Variants in NLK observed in about 807,000 individuals in gnomAD.
The protein encoded by NLK is nemo like kinase.
NLK carries 11 observed loss-of-function variants against 59.0 expected under a neutral mutation model. The ratio of observed to expected loss-of-function variants is 0.19; its 90% CI spans 0.12 to 0.31. The LOEUF is 0.31. NLK is among the 10% of genes least tolerant of loss of function. The pLI is 1.00. For synonymous variants in NLK, 235 were observed against 235.9 expected, an observed-to-expected ratio of 1.00 and a Z score of 0.03; for missense variants, 410 against 661.1, an observed-to-expected ratio of 0.62 and a Z score of 4.16.
intron 1 of NLK, among the ~76,000 whole-genome samples, chr17:28,056,284 A>G (rs1394714674): frequency 6.6e-6 from 1 of 152,198 alleles, no homozygotes; most frequent in African/African-American, 2.4e-5. Context: ...CAAAGAAACT[A>G]GAGAGTTGGA....
chr17:28,116,766 T>C (rs1235462632), intron 1 of NLK, among the ~76,000 whole-genome samples: 3 of 152,236 alleles, frequency 2.0e-5, no homozygotes, highest in Non-Finnish European at 4.4e-5. Flanking sequence ...TAAATTTTTT[T>C]CTAGTCCTCA....
intron 1 of NLK, among the ~76,000 whole-genome samples, chr17:28,057,189 A>G (rs556988638): frequency 3.5e-4 from 53 of 152,250 alleles, no homozygotes; most frequent in African/African-American, 1.2e-3. Context: ...TCCTGATGTC[A>G]GGTGATCCAC....
intron 7 of NLK, among the ~76,000 whole-genome samples, chr17:28,184,105 GATATGCCTACC>G (rs1330902941): frequency 6.6e-6 from 1 of 152,188 alleles, no homozygotes; most frequent in African/African-American, 2.4e-5. Flanking sequence ...TGGCCATGTG[GATATGCCTACC>G]ACTTATGAAG....
At chr17:28,199,680 AAAAACAAAACAAAAC>A (rs1567745722), downstream of NLK, among the ~76,000 whole-genome samples, 1 of 49,872 alleles carries the variant, frequency 2.0e-5, no homozygotes, top group African/African-American at 9.4e-5. Context: ...AAAAAAAAAA[AAAAACAAAACAAAAC>A]AAAAAAAAAA....
chr17:28,168,677 C>T lies in NLK; in HGVS notation c.1047+20C>T. On this transcript the variant is annotated intron_variant, in intron 6 of 10. Coordinates refer to ENST00000407008, the MANE Select transcript of NLK (RefSeq NM_016231.5). ...CAGCAGGTATGATTTCAATTTAAGG[C>T]TTTAGTTGCAATTCTATTGCAGATT... 1 of 1,580,998 alleles carries T rather than the reference C, an allele frequency of 6.3e-7. No homozygotes were observed. Among genetic ancestry groups the T allele is most frequent in the Non-Finnish European group, 8.7e-7 (1 of 1,150,060 alleles).
intron 1 of NLK, among the ~76,000 whole-genome samples, chr17:28,117,805 G>A (rs1035083111): frequency 8.6e-5 from 13 of 151,994 alleles, no homozygotes; most frequent in Admixed American, 2.0e-4. Context: ...AAAAGAACTC[G>A]GCTAATATAA....
the NLK span, among the ~76,000 whole-genome samples, chr17:28,203,319 CAG>C: frequency 6.6e-6 from 1 of 151,968 alleles, no homozygotes; most frequent in Non-Finnish European, 1.5e-5. Context: ...AGCTCTCAAT[CAG>C]AGGGGGAAAG....
At chr17:28,083,780 T>A (rs1910424221) in intron 1 of NLK, among the ~76,000 whole-genome samples, 1 of 152,350 alleles carries the variant, frequency 6.6e-6, no homozygotes, top group South Asian at 2.1e-4. Context: ...GCTTTATTTT[T>A]CTTTCAGAGG....
intron 3 of NLK, among the ~76,000 whole-genome samples, chr17:28,150,846 G>T (rs1257934140): frequency 6.6e-6 from 1 of 152,130 alleles, no homozygotes; most frequent in African/African-American, 2.4e-5. Context: ...TTAATGGCAC[G>T]TTTAAATAGG....
intron 1 of NLK, among the ~76,000 whole-genome samples, chr17:28,118,878 C>T (rs1905899362): frequency 6.6e-6 from 1 of 152,140 alleles, no homozygotes; most frequent in Non-Finnish European, 1.5e-5. Flanking sequence ...AGGAAGTAAA[C>T]TCCTGTAAGT....
intron 8 of NLK, among the ~76,000 whole-genome samples, chr17:28,187,060 T>C (rs555302626): frequency 2.0e-5 from 3 of 152,332 alleles, no homozygotes; most frequent in Admixed American, 2.0e-4. Flanking sequence ...ACTCCTTTTA[T>C]ATGGTTAACA....
chr17:28,107,782 G>A lies in NLK; in HGVS notation c.459-14821G>A, dbSNP rs572989326. ...AATTAAAACAATGTTCATTGATCTG[G>A]GATGGGATACTGTTTTAGGCACTGG... On this transcript the variant is annotated intron_variant, in intron 1 of 10. Coordinates refer to ENST00000407008, the MANE Select transcript of NLK (RefSeq NM_016231.5). 6.6e-5 allele frequency among the ~76,000 whole-genome samples: 10 copies of A among 152,182 alleles called. No individual in the cohort carries two copies. The East Asian group carries it at 1.9e-3, about 29-fold the overall frequency.
intron 3 of NLK, among the ~76,000 whole-genome samples, chr17:28,147,325 A>G (rs1182457140): frequency 1.3e-5 from 2 of 152,158 alleles, no homozygotes; most frequent in Non-Finnish European, 2.9e-5. Flanking sequence ...TGAAGGTCAG[A>G]ATTTGATGTC....
chr17:28,149,440 A>T (rs890261040), intron 3 of NLK, among the ~76,000 whole-genome samples: 1 of 152,192 alleles, frequency 6.6e-6, no homozygotes, highest in Non-Finnish European at 1.5e-5. Flanking sequence ...GTATAGATAA[A>T]TTGCCAATTA....
intron 6 of NLK, among the ~76,000 whole-genome samples, chr17:28,170,927 A>G (rs987556613): frequency 2.6e-5 from 4 of 152,186 alleles, no homozygotes; most frequent in African/African-American, 9.6e-5. Flanking sequence ...GTGAGAAATG[A>G]AGATCTAAAA....
In NLK at chr17:28,180,802, T is replaced by C. The variant is rs1025040538; in HGVS notation, c.1150-4377T>C. Among the ~76,000 whole-genome samples the C allele has an allele frequency of 3.3e-5, 5 of 152,184 alleles. No homozygotes were observed. The South Asian group carries it at 8.3e-4, about 25-fold the overall frequency. On this transcript the variant is annotated intron_variant, in intron 7 of 10. Coordinates refer to ENST00000407008, the MANE Select transcript of NLK (RefSeq NM_016231.5). The stretch of plus-strand genomic sequence containing the variant: ...TCACAGTAAAAATTTTTCAGGAATA[T>C]CAAATTACTTCACTTTACACAATAA...
intron 3 of NLK, among the ~76,000 whole-genome samples, chr17:28,147,590 T>G (rs1907309617): frequency 1.3e-5 from 2 of 152,240 alleles, no homozygotes; most frequent in Non-Finnish European, 2.9e-5. Context: ...TTACCTGGTC[T>G]TCTTGCCCAT....
At chr17:28,122,826 G>A in intron 2 of NLK, 94 bp downstream of exon 2, 1 of 1,420,858 alleles carries the variant, frequency 7.0e-7, no homozygotes, top group South Asian at 1.3e-5. Flanking sequence ...GCACCTATAA[G>A]TAAAATTTGG....
chr17:28,059,386 A>C (rs897776049), intron 1 of NLK, among the ~76,000 whole-genome samples: 2 of 152,140 alleles, frequency 1.3e-5, no homozygotes, highest in Non-Finnish European at 2.9e-5. Context: ...TTTTGAAAAG[A>C]AATAGTCCTT....
Sources: allele counts gnomAD v4.1 joint callset (sites outside exome capture counted in the v4.1 genomes callset), GRCh38; gene constraint gnomAD v4.1.1; transcripts MANE v1.5; gene names NCBI Gene and HGNC (gene_info 2026-07-23, HGNC 2026-07-21).